Variants in SLC2A2 observed in about 807,000 individuals in gnomAD.
SLC2A2 encodes the protein solute carrier family 2, facilitated glucose transporter member 2.
A neutral mutation model predicts 54.5 loss-of-function variants in SLC2A2; 36 were observed. The ratio of observed to expected loss-of-function variants is 0.66; its 90% confidence interval spans 0.51 to 0.87. The LOEUF is 0.87. SLC2A2 is among the 40% of genes least tolerant of loss of function. The pLI is 0.00. For missense variants in SLC2A2, 543 were observed against 624.3 expected (o/e 0.87, Z 1.39); for synonymous variants, 223 against 219.1 (o/e 1.02, Z -0.16).
At chr3:171,008,718 A>G (rs1715735904) in intron 4 of SLC2A2, among the ~76,000 whole-genome samples, 2 of 152,062 alleles carry the variant, frequency 1.3e-5, no homozygotes, top group South Asian at 4.1e-4. Context: ...TAGTGTTATT[A>G]TCTGCATTTT....
At chr3:171,013,124 A>G (rs1417840309) in intron 3 of SLC2A2, among the ~76,000 whole-genome samples, 1 of 152,120 alleles carries the variant, frequency 6.6e-6, no homozygotes, top group Non-Finnish European at 1.5e-5. Context: ...TTAGAACGTA[A>G]TTTAATTTTG....
At chr3:171,018,751 A>C (rs1716277245) in intron 1 of SLC2A2, 128 bp from the exon 2 acceptor site, 1 of 707,512 alleles carries the variant, frequency 1.4e-6, no homozygotes, top group South Asian at 1.5e-5. Flanking sequence ...ATCGATTTGC[A>C]GTATGCCCTG....
chr3:171,017,049 T>G (rs1576840676), intron 2 of SLC2A2, among the ~76,000 whole-genome samples: 1 of 151,718 alleles, frequency 6.6e-6, no homozygotes, highest in Non-Finnish European at 1.5e-5. Flanking sequence ...ACAGGGTTTC[T>G]CCATGTTGGT....
At chr3:171,006,990 C>T (rs1418444210) in intron 5 of SLC2A2, among the ~76,000 whole-genome samples, 158 bp downstream of exon 5, 1 of 151,974 alleles carries the variant, frequency 6.6e-6, no homozygotes, top group Non-Finnish European at 1.5e-5. Flanking sequence ...GTAGAATTGG[C>T]TTTTCTCTCT....
intron 1 of SLC2A2, among the ~76,000 whole-genome samples, chr3:171,025,596 G>C (rs1716652063): frequency 6.6e-6 from 1 of 152,006 alleles, no homozygotes; most frequent in Non-Finnish European, 1.5e-5. Flanking sequence ...ACTTAACCCA[G>C]GCCTCACAGC....
chr3:171,014,176 T>C (rs1374687265), intron 3 of SLC2A2, among the ~76,000 whole-genome samples: 4 of 152,230 alleles, frequency 2.6e-5, no homozygotes, highest in African/African-American at 9.6e-5. Flanking sequence ...TAACCGTTTG[T>C]GTAGTGGTCT....
At chr3:171,004,124 C>T (rs1715473460) in intron 7 of SLC2A2, among the ~76,000 whole-genome samples, 1 of 152,034 alleles carries the variant, frequency 6.6e-6, no homozygotes, top group African/African-American at 2.4e-5. Flanking sequence ...ACTGTGCCAA[C>T]TGTGTTCAGT....
intron 8 of SLC2A2, among the ~76,000 whole-genome samples, chr3:170,999,452 C>T (rs762790588): frequency 1.3e-5 from 2 of 152,098 alleles, no homozygotes; most frequent in Non-Finnish European, 2.9e-5. Context: ...GTTACCACTA[C>T]TCCAGGATTA....
rs1229962724 is a variant in SLC2A2 at position 171,019,085 on chromosome 3, ATG to A, written c.16-464_16-463del. ...TGTGTGTGTGTGTGTGTATATATAT[ATG>A]TGTGTGTGTGTATATATATATATAT... On this transcript the variant is annotated intron_variant, in intron 1 of 10. Coordinates refer to ENST00000314251, the MANE Select transcript of SLC2A2 (RefSeq NM_000340.2). Among the ~76,000 whole-genome samples, 494 of 79,386 alleles carry A rather than the reference ATG, an allele frequency of 6.2e-3. 8 individuals carry two copies. The highest frequency in any genetic ancestry group is 0.016 in the African/African-American group (216 of 13,498). The allele number at this position is 79,386 out of a possible 152,430, so 52.1% of individuals were successfully genotyped here.
At chr3:171,008,700 T>C (rs746348406) in intron 4 of SLC2A2, among the ~76,000 whole-genome samples, 28 of 152,038 alleles carry the variant, frequency 1.8e-4, no homozygotes, top group African/African-American at 6.3e-4. Context: ...TAATTGGGAC[T>C]TCGTTCATAG....
At position 170,998,126 on chromosome 3, in the gene SLC2A2, C is replaced by CTT. The variant is rs750130874; in HGVS notation, c.1375-25_1375-24dup. 21 of 1,613,396 alleles carry CTT rather than the reference C, an allele frequency of 1.3e-5. No homozygotes were observed. The Admixed American group carries it at 3.2e-4, about 24-fold the overall frequency. ...GTCCTGGATAGAAAGCAAACACAGA[C>CTT]TTTGAGTTAGCAGTTTTTTGACCCT... On this transcript the variant is annotated intron_variant, in intron 10 of 10. Transcript: ENST00000314251.
At chr3:171,021,444 C>T (rs183569223) in intron 1 of SLC2A2, among the ~76,000 whole-genome samples, 4 of 152,256 alleles carry the variant, frequency 2.6e-5, no homozygotes, top group Admixed American at 2.0e-4. Context: ...CTATTGCTGC[C>T]GTAACAAATT....
chr3:171,016,595 G>A (rs1229007122), intron 2 of SLC2A2, among the ~76,000 whole-genome samples: 1 of 152,090 alleles, frequency 6.6e-6, no homozygotes. Context: ...ATATGAAAGT[G>A]TGATTTTAAA....
At chr3:171,010,196 C>T in intron 3 of SLC2A2, 114 bp from the exon 4 acceptor site, 1 of 1,118,094 alleles carries the variant, frequency 8.9e-7, no homozygotes, top group South Asian at 1.3e-5. Context: ...TTTAATTTTG[C>T]TGTAAAAGCT....
rs1442525609 is a variant in SLC2A2, at chr3:171,008,075, G to A, written c.497-812C>T. 3.3e-5 allele frequency among the ~76,000 whole-genome samples: 5 copies of A among 152,006 alleles called. No individual in the cohort carries two copies. The South Asian group carries it at 1.0e-3, about 31-fold the overall frequency. On this transcript the variant is annotated intron_variant, in intron 4 of 10. Transcript: ENST00000314251. ...CTGCATAAAAAGTTCAGAGACTATCGACAGGCAAGGCTGAATTAAATGTTT... is the reference window on the plus strand; with the variant it reads ...CTGCATAAAAAGTTCAGAGACTATCAACAGGCAAGGCTGAATTAAATGTTT...
At position 170,999,051 on chromosome 3, in the gene SLC2A2, G is replaced by A; in HGVS notation, c.1170+14C>T. On this transcript the variant is annotated intron_variant, in intron 9 of 10. Coordinates refer to ENST00000314251, the MANE Select transcript of SLC2A2 (RefSeq NM_000340.2). ...TATGTTAATGAAAAACCTCAGTGCAGGCACCAAACTTACCAGCAGCACAAG... is the reference window on the plus strand; with the variant it reads ...TATGTTAATGAAAAACCTCAGTGCAAGCACCAAACTTACCAGCAGCACAAG... 1 of 1,566,118 alleles carries A rather than the reference G, an allele frequency of 6.4e-7. No homozygotes were observed. The highest frequency in any genetic ancestry group is 8.8e-7 in the Non-Finnish European group (1 of 1,136,418).
chr3:171,014,244 A>G (rs763356688), intron 3 of SLC2A2, among the ~76,000 whole-genome samples: 18 of 152,186 alleles, frequency 1.2e-4, no homozygotes, highest in Admixed American at 7.2e-4. Flanking sequence ...CTAGAAATAC[A>G]CACAAAACTC....
Position 170,998,090 on chromosome 3 carries a change from G to T in SLC2A2, c.1388C>A (p.Pro463His), listed in dbSNP as rs1272353608. 3.1e-6 allele frequency: 5 copies of T among 1,613,462 alleles called. No individual in the cohort carries two copies. The East Asian group carries it at 6.7e-5, about 22-fold the overall frequency. Reference protein sequence around the residue: ...CFQYIADFCGPYVFFLFAGVL... With the variant: ...CFQYIADFCGHYVFFLFAGVL... ...TCCAGCAAAGAGGAAAAACACATAA[G>T]GTCCACAGAAGTCCTGGATAGAAAG... is the stretch of plus-strand genomic sequence containing the variant. The change falls in exon 11 of 11, where the codon CCT (proline) becomes CAT (histidine). Residue 463 changes from proline to histidine, a missense_variant. Transcript: ENST00000314251.
chr3:171,000,464 G>A (rs12487589), intron 8 of SLC2A2, among the ~76,000 whole-genome samples: 30,121 of 151,992 alleles, frequency 0.2, 3,919 homozygotes, highest in African/African-American at 0.37. Flanking sequence ...GTACACTCAG[G>A]ATGAGTGTGA....
Sources: gnomAD v4.1 joint callset for allele counts (sites outside exome capture counted in the v4.1 genomes callset) on GRCh38, gnomAD v4.1.1 for gene constraint, MANE v1.5 for transcripts, NCBI Gene and HGNC (gene_info 2026-07-23, HGNC 2026-07-21) for gene names.